AFF4: variants seen among roughly 807,000 people sequenced by gnomAD.
The protein encoded by AFF4 is ALF transcription elongation factor 4, also known as AF4/FMR2 family member 4.
AFF4 carries 13 observed loss-of-function variants against 124.8 expected under a neutral mutation model. That is an observed-to-expected ratio of 0.10 (90% CI 0.07 to 0.17). The LOEUF (loss-of-function observed/expected upper bound fraction) is 0.17, where lower values mean the gene tolerates loss of function less well. AFF4 is among the 10% of genes least tolerant of loss of function. The pLI is 1.00. For synonymous variants in AFF4, 477 were observed against 496.1 expected (o/e 0.96, Z 0.51); for missense variants, 1,092 against 1,403.8 (o/e 0.78, Z 3.55).
intron 10 of AFF4, among the ~76,000 whole-genome samples, chr5:132,897,454 G>A (rs1171242196): frequency 2.6e-5 from 4 of 152,200 alleles, no homozygotes; most frequent in Non-Finnish European, 5.9e-5. Context: ...GCTCACACCT[G>A]TAATCCCAGC....
At position 132,938,980 on chromosome 5, in the gene AFF4, GAA is replaced by G. The variant is rs1192609238; in HGVS notation, c.-4-1789_-4-1788del. Among the ~76,000 whole-genome samples the G allele has an allele frequency of 8.2e-4, 65 of 78,890 alleles. No homozygotes were observed. In the South Asian group the frequency reaches 8.9e-3, roughly 11 times the overall value. The allele number at this position is 78,890 out of a possible 152,430, so 51.8% of individuals were successfully genotyped here. ...AAAAAAAAAGGCAATTTAATGTTTA[GAA>G]AAAAAAAAAAAAAAGGGACCCGAGG... On this transcript the variant is annotated intron_variant, in intron 1 of 20. Coordinates refer to ENST00000265343, the MANE Select transcript of AFF4 (RefSeq NM_014423.4).
intron 1 of AFF4, chr5:132,937,691 G>A (rs910410457): frequency 6.6e-6 from 1 of 152,198 alleles, no homozygotes; most frequent in Non-Finnish European, 1.5e-5. Flanking sequence ...CTTCCTTGGT[G>A]TCCATCCTTA....
chr5:132,880,976 T>C lies in AFF4; in HGVS notation c.*83A>G, dbSNP rs184033059. On this transcript the variant is annotated 3_prime_UTR_variant, in exon 21 of 21. Transcript: ENST00000265343. ...ACTATTCCTCATTCTTAGTGTCGACTAGGTGGTATGTTATGGCAGTTTTCC... is the reference window on the plus strand; with the variant it reads ...ACTATTCCTCATTCTTAGTGTCGACCAGGTGGTATGTTATGGCAGTTTTCC... 2.7e-6 allele frequency: 4 copies of C among 1,506,054 alleles called. No individual in the cohort carries two copies. In the East Asian group the frequency reaches 9.4e-5, roughly 35 times the overall value. 93.3% of individuals were successfully genotyped at this position (1,506,054 alleles called of 1,614,324 possible).
chr5:132,934,010 A>G (rs925488623), intron 3 of AFF4, 137 bp downstream of exon 3: 16 of 1,002,112 alleles, frequency 1.6e-5, no homozygotes, highest in Non-Finnish European at 2.3e-5. Flanking sequence ...GTCTGTCTTT[A>G]CATTTTTTTC....
chr5:132,916,921 T>A (rs879690501), intron 5 of AFF4, among the ~76,000 whole-genome samples: 3 of 150,850 alleles, frequency 2.0e-5, no homozygotes, highest in Admixed American at 6.6e-5. Flanking sequence ...ACGTTTTTTG[T>A]TTTTTTTTGT....
intron 1 of AFF4, among the ~76,000 whole-genome samples, chr5:132,962,228 CT>C (rs1762095906): frequency 6.6e-6 from 1 of 152,330 alleles, no homozygotes; most frequent in East Asian, 1.9e-4. Context: ...AAGCTTTGCG[CT>C]TTTCATATCT....
At chr5:132,904,194 C>A in intron 6 of AFF4, 174 bp downstream of exon 6, 1 of 454,172 alleles carries the variant, frequency 2.2e-6, no homozygotes, top group Non-Finnish European at 3.7e-6. Context: ...GAGATCGAGG[C>A]TGCAGTGAGC....
intron 5 of AFF4, among the ~76,000 whole-genome samples, chr5:132,915,552 C>T (rs1581299551): frequency 7.0e-6 from 1 of 143,538 alleles, no homozygotes; most frequent in Admixed American, 7.5e-5. Flanking sequence ...CACTTTGACC[C>T]ACTTCTTTTT....
chr5:132,902,389 G>C lies in AFF4; in HGVS notation c.1133+53C>G, dbSNP rs1262016687. On this transcript the variant is annotated intron_variant, in intron 7 of 20. Coordinates refer to ENST00000265343, the MANE Select transcript of AFF4 (RefSeq NM_014423.4). ...CTGTTCAAAATACCTAGATATTACA[G>C]GTAACTTTTAGCAAAAATGATAAAT... is the stretch of plus-strand genomic sequence containing the variant. 15 of 1,419,188 alleles carry C rather than the reference G, an allele frequency of 1.1e-5. No individual in the cohort carries two copies. In the South Asian group the frequency reaches 1.7e-4, roughly 16 times the overall value. 87.9% of individuals were successfully genotyped at this position (1,419,188 alleles called of 1,614,324 possible). A position where few individuals can be genotyped will look rare whatever the true frequency, so the allele number is the denominator to read the frequency against.
intron 5 of AFF4, among the ~76,000 whole-genome samples, chr5:132,924,580 C>T (rs1283924384): frequency 6.6e-6 from 1 of 151,884 alleles, no homozygotes; most frequent in South Asian, 2.1e-4. Context: ...AGGCTGGGCG[C>T]GGTGGCTCAC....
intron 1 of AFF4, among the ~76,000 whole-genome samples, chr5:132,960,134 T>C (rs1333834734): frequency 6.6e-6 from 1 of 152,166 alleles, no homozygotes; most frequent in Non-Finnish European, 1.5e-5. Flanking sequence ...CTTTAGTCAC[T>C]ACACCTTCTT....
intron 1 of AFF4, among the ~76,000 whole-genome samples, chr5:132,950,513 G>A (rs1761817578): frequency 6.6e-6 from 1 of 152,036 alleles, no homozygotes; most frequent in Admixed American, 6.6e-5. Context: ...GCTAGGCATG[G>A]TGGTGGGCGC....
At chr5:132,892,736 C>T (rs1760294836) in intron 12 of AFF4, among the ~76,000 whole-genome samples, 2 of 152,146 alleles carry the variant, frequency 1.3e-5, no homozygotes, top group Non-Finnish European at 2.9e-5. Flanking sequence ...TTGGAAATTA[C>T]AGATAAGTTT....
intron 7 of AFF4, chr5:132,901,160 C>A (rs1250204520): frequency 1.0e-6 from 1 of 985,260 alleles, no homozygotes; most frequent in Admixed American, 6.1e-5. Flanking sequence ...AGTCTGAATT[C>A]TCTCGGCCTT....
At chr5:132,906,277 T>TA (rs1760669314) in intron 5 of AFF4, among the ~76,000 whole-genome samples, 1 of 152,256 alleles carries the variant, frequency 6.6e-6, no homozygotes, top group African/African-American at 2.4e-5. Context: ...AAACAAAATG[T>TA]AAACATATGT....
chr5:132,926,148 A>G (rs771155678), intron 5 of AFF4: 14 of 365,124 alleles, frequency 3.8e-5, no homozygotes, highest in African/African-American at 2.1e-4. Flanking sequence ...GTAGAAATAA[A>G]TAAGAAAATG....
intron 1 of AFF4, among the ~76,000 whole-genome samples, chr5:132,940,628 T>C (rs1003203057): frequency 1.6e-4 from 25 of 152,226 alleles, no homozygotes; most frequent in African/African-American, 5.8e-4. Flanking sequence ...TATAATAAAA[T>C]TCTTTCTGTA....
At chr5:132,955,052 G>A (rs1362180125) in intron 1 of AFF4, among the ~76,000 whole-genome samples, 2 of 152,272 alleles carry the variant, frequency 1.3e-5, no homozygotes, top group Non-Finnish European at 1.5e-5. Context: ...GCAGGATGGG[G>A]AGCTGGAAAA....
At chr5:132,944,552 T>C (rs1761651247) in intron 1 of AFF4, among the ~76,000 whole-genome samples, 1 of 151,988 alleles carries the variant, frequency 6.6e-6, no homozygotes, top group African/African-American at 2.4e-5. Context: ...GAAACTGAGG[T>C]CTGGGGAATG....
Sources: gnomAD v4.1 joint callset for allele counts (sites outside exome capture counted in the v4.1 genomes callset) on GRCh38, gnomAD v4.1.1 for gene constraint, MANE v1.5 for transcripts, NCBI Gene and HGNC (gene_info 2026-07-23, HGNC 2026-07-21) for gene names.